AMBRA1: variants seen among roughly 807,000 people sequenced by gnomAD.
AMBRA1 encodes autophagy and beclin 1 regulator 1, also known as activating molecule in BECN1-regulated autophagy protein 1.
Under a neutral mutation model 125.4 loss-of-function variants are expected in AMBRA1, and 47 were observed. The observed-to-expected ratio is 0.37, with a 90% CI of 0.30 to 0.48. AMBRA1 has a LOEUF of 0.48. Ranked by LOEUF, AMBRA1 falls within the 20% of genes least tolerant of loss-of-function variation. The probability of loss-of-function intolerance (pLI) is 0.99; values close to 1 mark genes in which losing one functional copy is unlikely to be tolerated. For synonymous variants in AMBRA1, 626 were observed against 655.5 expected, an observed-to-expected ratio of 0.95 and a Z score of 0.69; for missense variants, 1,331 against 1,693.4, an observed-to-expected ratio of 0.79 and a Z score of 3.76.
At chr11:46,538,994 T>C (rs1370151200) in intron 7 of AMBRA1, among the ~76,000 whole-genome samples, 2 of 152,036 alleles carry the variant, frequency 1.3e-5, no homozygotes, top group Admixed American at 6.6e-5. Context: ...CCATCTTACA[T>C]AGCACAGATA....
intron 1 of AMBRA1, among the ~76,000 whole-genome samples, chr11:46,590,400 G>A (rs1224038452): frequency 6.6e-6 from 1 of 151,748 alleles, no homozygotes; most frequent in African/African-American, 2.4e-5. Flanking sequence ...CCAGCTATTG[G>A]GGAGGGCTAC....
At chr11:46,556,561 A>T (rs903998152) in intron 1 of AMBRA1, among the ~76,000 whole-genome samples, 2 of 152,220 alleles carry the variant, frequency 1.3e-5, no homozygotes, top group African/African-American at 4.8e-5. Context: ...GTTATTATCC[A>T]TAACATCCAA....
intron 11 of AMBRA1, among the ~76,000 whole-genome samples, chr11:46,450,056 C>CAAA (rs201819276): frequency 1.4e-5 from 1 of 71,168 alleles, no homozygotes; most frequent in Non-Finnish European, 2.9e-5. Flanking sequence ...GAGACTGTCT[C>CAAA]AAAAAAAAAA....
chr11:46,447,439 G>T (rs774561931), intron 11 of AMBRA1, among the ~76,000 whole-genome samples: 13 of 152,108 alleles, frequency 8.5e-5, no homozygotes, highest in Non-Finnish European at 1.9e-4. Flanking sequence ...GGATGCTGAG[G>T]CATGAGAATT....
intron 14 of AMBRA1, among the ~76,000 whole-genome samples, chr11:46,422,962 G>A (rs1042727798): frequency 1.3e-5 from 2 of 152,158 alleles, no homozygotes; most frequent in African/African-American, 2.4e-5. Flanking sequence ...AAAGCAAGGG[G>A]GCTTTGAGGA....
rs902836469 is a variant in AMBRA1, at chr11:46,396,512, T to G, written c.*938A>C. On this transcript the variant is annotated 3_prime_UTR_variant, in exon 18 of 18. Coordinates refer to ENST00000683756, the MANE Select transcript of AMBRA1 (RefSeq NM_001387011.1). ...CCCACCACAATGTTTCTATGATGAG[T>G]TACAAACAGAAAGGAAATCACATTT... The G allele has an allele frequency of 1.3e-4, 20 of 152,506 alleles. No individual in the cohort carries two copies. Among genetic ancestry groups the G allele is most frequent in the African/African-American group, 4.8e-4 (20 of 41,386 alleles). The allele number at this position is 152,506 out of a possible 1,614,324, so 9.4% of individuals were successfully genotyped here.
At chr11:46,505,750 G>A (rs71474179) in intron 9 of AMBRA1, among the ~76,000 whole-genome samples, 4 of 152,046 alleles carry the variant, frequency 2.6e-5, no homozygotes, top group East Asian at 1.9e-4. Flanking sequence ...AATCGAGGGG[G>A]AAGGAAGGGG....
At chr11:46,460,119 A>G (rs1949034489) in intron 11 of AMBRA1, among the ~76,000 whole-genome samples, 1 of 152,258 alleles carries the variant, frequency 6.6e-6, no homozygotes, top group Admixed American at 6.5e-5. Flanking sequence ...ACAGAATTTC[A>G]GGGCACATTA....
chr11:46,494,242 T>C lies in AMBRA1; in HGVS notation c.2340-38A>G. On this transcript the variant is annotated intron_variant, in intron 9 of 17. Transcript: ENST00000683756. ...AAAACACTACACATAAGAGAGTCACTAAGGAAGAATCATCCACCAGCCCAA... is the reference window on the plus strand; with the variant it reads ...AAAACACTACACATAAGAGAGTCACCAAGGAAGAATCATCCACCAGCCCAA... 3 of 1,514,538 alleles carry C rather than the reference T, an allele frequency of 2.0e-6. No homozygotes were observed. In the South Asian group the frequency reaches 3.6e-5, roughly 18 times the overall value. 93.8% of individuals were successfully genotyped at this position (1,514,538 alleles called of 1,614,324 possible).
rs200615140 is a variant in AMBRA1, at chr11:46,397,961, G to A, written c.3404-18C>T. 1.0e-5 allele frequency: 16 copies of A among 1,568,604 alleles called. No homozygotes were observed. The highest frequency in any genetic ancestry group is 1.3e-5 in the African/African-American group (1 of 74,312). ...ACCCTCACCTGGCAGATACAAAGCAGAAGAGAGAGCGAATTGGCTGCTGGC... is the reference window on the plus strand; with the variant it reads ...ACCCTCACCTGGCAGATACAAAGCAAAAGAGAGAGCGAATTGGCTGCTGGC... On this transcript the variant is annotated intron_variant, in intron 17 of 17. Transcript: ENST00000683756.
chr11:46,438,744 A>C (rs1210715095), intron 12 of AMBRA1, among the ~76,000 whole-genome samples: 1 of 152,160 alleles, frequency 6.6e-6, no homozygotes, highest in Non-Finnish European at 1.5e-5. Flanking sequence ...CAGCCTAGTG[A>C]CCAATTCCAT....
In AMBRA1 at chr11:46,527,477, C is replaced by CAAAAAA. The variant is rs59904013; in HGVS notation, c.2072+14462_2072+14467dup. ...CCTAGGTGACAAAGTGAGACTGTCT[C>CAAAAAA]AAAAAAAAAAAAAAAAAAAAAAAAA... On this transcript the variant is annotated intron_variant, in intron 7 of 17. Transcript: ENST00000683756. Among the ~76,000 whole-genome samples, 21 of 25,940 alleles carry CAAAAAA rather than the reference C, an allele frequency of 8.1e-4. 2 individuals carry two copies. The highest frequency in any genetic ancestry group is 2.9e-3 in the African/African-American group (15 of 5,090). The allele number at this position is 25,940 out of a possible 152,430, so 17.0% of individuals were successfully genotyped here.
At chr11:46,580,814 C>T (rs1356930174) in intron 1 of AMBRA1, among the ~76,000 whole-genome samples, 1 of 152,116 alleles carries the variant, frequency 6.6e-6, no homozygotes, top group South Asian at 2.1e-4. Flanking sequence ...GTTTTGGAGA[C>T]AGAGCCTTGC....
chr11:46,547,081 A>C (rs770598710), intron 4 of AMBRA1, 32 bp downstream of exon 4: 1 of 1,562,044 alleles, frequency 6.4e-7, no homozygotes, highest in South Asian at 1.2e-5. Flanking sequence ...TTAGAACACC[A>C]AAAGAAAAGG....
chr11:46,408,168 G>A (rs1288843483), intron 17 of AMBRA1, among the ~76,000 whole-genome samples: 1 of 152,220 alleles, frequency 6.6e-6, no homozygotes, highest in Non-Finnish European at 1.5e-5. Flanking sequence ...CTGTGGTTTG[G>A]CCCCAGAAGC....
chr11:46,538,791 C>A (rs1035772414), intron 7 of AMBRA1, among the ~76,000 whole-genome samples: 1 of 152,184 alleles, frequency 6.6e-6, no homozygotes, highest in Non-Finnish European at 1.5e-5. Context: ...AGCCACTGCA[C>A]CTACCCAGTA....
At chr11:46,413,106 G>A (rs1946372420) in intron 15 of AMBRA1, among the ~76,000 whole-genome samples, 1 of 152,204 alleles carries the variant, frequency 6.6e-6, no homozygotes, top group South Asian at 2.1e-4. Context: ...GAGGCCACAA[G>A]AAGGCCTTCT....
intron 1 of AMBRA1, among the ~76,000 whole-genome samples, chr11:46,549,368 G>A (rs866961526): frequency 5.9e-5 from 9 of 152,108 alleles, no homozygotes; most frequent in Admixed American, 5.2e-4. Context: ...TTGAAAGAAT[G>A]GTACAATAAA....
intron 9 of AMBRA1, among the ~76,000 whole-genome samples, chr11:46,496,577 C>A (rs2134988501): frequency 6.6e-6 from 1 of 152,176 alleles, no homozygotes; most frequent in East Asian, 1.9e-4. Flanking sequence ...GTTAGAAGGG[C>A]TGAAGAGCAG....
Sources: gnomAD v4.1 joint callset for allele counts (sites outside exome capture counted in the v4.1 genomes callset) on GRCh38, gnomAD v4.1.1 for gene constraint, MANE v1.5 for transcripts, NCBI Gene and HGNC (gene_info 2026-07-23, HGNC 2026-07-21) for gene names.